TBC1D2B: variants seen among roughly 807,000 people sequenced by gnomAD.
The protein encoded by TBC1D2B is TBC1 domain family member 2B, also known as TBC1 domain family, member 2B.
A neutral mutation model predicts 100.8 loss-of-function variants in TBC1D2B; 64 were observed. The observed-to-expected ratio is 0.64, with a 90% CI of 0.52 to 0.78. The LOEUF (loss-of-function observed/expected upper bound fraction) is 0.78. TBC1D2B is among the 30% of genes least tolerant of loss of function. The pLI, the probability that TBC1D2B is intolerant of heterozygous loss-of-function variation, is 0.00. For missense variants in TBC1D2B, 1,052 were observed against 1,218.4 expected (o/e 0.86, Z 2.03); for synonymous variants, 480 against 479.7 (o/e 1.00, Z -0.01).
chr15:78,006,384 C>T (rs1338107176), intron 10 of TBC1D2B, among the ~76,000 whole-genome samples: 4 of 152,178 alleles, frequency 2.6e-5, no homozygotes, highest in Non-Finnish European at 5.9e-5. Flanking sequence ...CACACCAACG[C>T]AACAGAACAA....
At chr15:78,035,313 G>A (rs952632755) in intron 3 of TBC1D2B, among the ~76,000 whole-genome samples, 2 of 152,202 alleles carry the variant, frequency 1.3e-5, no homozygotes, top group African/African-American at 2.4e-5. Flanking sequence ...TAACTCGTTC[G>A]ACATTCGTTT....
chr15:78,048,189 G>C lies in TBC1D2B; in HGVS notation c.515-3121C>G, dbSNP rs889712446. ...GTGGAGAAAAGGGACCAGAGACCAG[G>C]GAGGAACACGTTGGAGGAAAATTTC... is the stretch of plus-strand genomic sequence containing the variant. On this transcript the variant is annotated intron_variant, in intron 2 of 12. Coordinates refer to ENST00000300584, the MANE Select transcript of TBC1D2B (RefSeq NM_144572.2). 3.9e-5 allele frequency among the ~76,000 whole-genome samples: 6 copies of C among 152,184 alleles called. No individual in the cohort carries two copies. The East Asian group carries it at 9.6e-4, about 24-fold the overall frequency.
chr15:78,018,662 G>C (rs1419946426), intron 6 of TBC1D2B, among the ~76,000 whole-genome samples: 1 of 152,226 alleles, frequency 6.6e-6, no homozygotes, highest in Non-Finnish European at 1.5e-5. Context: ...TTTGAGAGCA[G>C]GTCGGGGCAG....
Position 78,033,465 on chromosome 15 carries a change from C to T in TBC1D2B, c.684-3295G>A, listed in dbSNP as rs529941802. Reference sequence around the variant, plus strand: ...TTTTTAAAACTCAAAGCTATAGTGACGGAAAGCGGATCAGAGGTTGCCCAG... The same window carrying T: ...TTTTTAAAACTCAAAGCTATAGTGATGGAAAGCGGATCAGAGGTTGCCCAG... On this transcript the variant is annotated intron_variant, in intron 3 of 12. Coordinates refer to ENST00000300584, the MANE Select transcript of TBC1D2B (RefSeq NM_144572.2). 6.6e-5 allele frequency among the ~76,000 whole-genome samples: 10 copies of T among 152,186 alleles called. No homozygotes were observed. The South Asian group carries it at 8.3e-4, about 13-fold the overall frequency.
chr15:78,040,037 C>T (rs1346156157), intron 3 of TBC1D2B, among the ~76,000 whole-genome samples: 2 of 152,216 alleles, frequency 1.3e-5, no homozygotes, highest in Admixed American at 6.5e-5. Flanking sequence ...CTGCTGTCAG[C>T]GCTGCTGCAG....
chr15:78,041,023 C>T (rs1423032801), intron 3 of TBC1D2B, among the ~76,000 whole-genome samples: 1 of 152,064 alleles, frequency 6.6e-6, no homozygotes, highest in Non-Finnish European at 1.5e-5. Context: ...CTAACTTTCC[C>T]AATTTTGTTT....
intron 1 of TBC1D2B, among the ~76,000 whole-genome samples, chr15:78,071,682 C>T (rs1234889320): frequency 6.6e-6 from 1 of 152,192 alleles, no homozygotes; most frequent in East Asian, 1.9e-4. Flanking sequence ...ATGTAATACA[C>T]CTGTATATTT....
intron 1 of TBC1D2B, among the ~76,000 whole-genome samples, chr15:78,058,506 C>T (rs2073473953): frequency 6.6e-6 from 1 of 152,218 alleles, no homozygotes; most frequent in Non-Finnish European, 1.5e-5. Context: ...TGCCTTTATT[C>T]AGTGCTCCAA....
chr15:78,031,730 T>C (rs2072821038), intron 3 of TBC1D2B, among the ~76,000 whole-genome samples: 1 of 152,056 alleles, frequency 6.6e-6, no homozygotes, highest in South Asian at 2.1e-4. Context: ...TAGGTTAAGA[T>C]TTCTGCTTCC....
At chr15:78,013,457 G>GAT (rs1168925200) in intron 8 of TBC1D2B, 140 bp from the exon 9 acceptor site, 3 of 836,004 alleles carry the variant, frequency 3.6e-6, no homozygotes, top group Non-Finnish European at 3.6e-6. Flanking sequence ...AATCAGTGAG[G>GAT]ATATAATCGA....
intron 3 of TBC1D2B, among the ~76,000 whole-genome samples, chr15:78,039,756 AC>A (rs2141751792): frequency 1.3e-5 from 1 of 77,218 alleles, no homozygotes; most frequent in East Asian, 4.7e-4. Flanking sequence ...CTTACTACAC[AC>A]ACACACACAC....
chr15:77,995,625 A>G lies in TBC1D2B; in HGVS notation c.*2535T>C, dbSNP rs2071730829. The G allele has an allele frequency of 6.6e-6, 1 of 152,522 alleles. No homozygotes were observed. Among genetic ancestry groups the G allele is most frequent in the African/African-American group, 2.4e-5 (1 of 41,468 alleles). 9.4% of individuals were successfully genotyped at this position (152,522 alleles called of 1,614,324 possible). On this transcript the variant is annotated 3_prime_UTR_variant, in exon 13 of 13. Transcript: ENST00000300584. The stretch of plus-strand genomic sequence containing the variant: ...GCCTATAAAAATATAAACTGTAGTG[A>G]GAGTGTACAAAAGTATTAACAGAGG...
intron 1 of TBC1D2B, among the ~76,000 whole-genome samples, chr15:78,070,804 T>G (rs1257933268): frequency 6.6e-6 from 1 of 152,162 alleles, no homozygotes; most frequent in Non-Finnish European, 1.5e-5. Context: ...ACTAAAGACA[T>G]GTGCCATCAT....
chr15:78,022,167 C>T (rs1484648204), intron 6 of TBC1D2B, among the ~76,000 whole-genome samples: 1 of 152,150 alleles, frequency 6.6e-6, no homozygotes, highest in Non-Finnish European at 1.5e-5. Flanking sequence ...AAGACTAGCC[C>T]AGGCAACACG....
In TBC1D2B at chr15:77,998,221, C is replaced by T. The variant is rs144284088; in HGVS notation, c.2831G>A (p.Arg944His). 3.7e-5 allele frequency: 58 copies of T among 1,570,236 alleles called. No individual in the cohort carries two copies. The Middle Eastern group carries it at 6.7e-4, about 18-fold the overall frequency. The change falls in exon 13 of 13, where the codon CGT becomes CAT. Residue 944 changes from arginine (R) to histidine (H), a missense_variant. Physicochemically the swap from Arg to His is conservative, Grantham distance 29. Coordinates refer to ENST00000300584, the MANE Select transcript of TBC1D2B (RefSeq NM_144572.2). ...ELEAIREDFL[R>H]ERDTSPDKGE... ...CTTGTCAGGGCTGGTGTCCCGCTCA[C>T]GCAGGAAGTCCTCACGGATGGCCTC...
At chr15:78,025,871 A>G (rs1253144825) in intron 4 of TBC1D2B, among the ~76,000 whole-genome samples, 2 of 151,970 alleles carry the variant, frequency 1.3e-5, no homozygotes, top group Admixed American at 6.6e-5. Flanking sequence ...TTTGGAAACT[A>G]TAACAAAATA....
intron 1 of TBC1D2B, among the ~76,000 whole-genome samples, chr15:78,067,470 TG>T (rs1237822367): frequency 6.6e-6 from 1 of 152,216 alleles, no homozygotes; most frequent in African/African-American, 2.4e-5. Context: ...CAGCCTCTCC[TG>T]AACACCAGAG....
intron 12 of TBC1D2B, among the ~76,000 whole-genome samples, chr15:78,001,015 G>A (rs1286844412): frequency 6.6e-6 from 1 of 152,188 alleles, no homozygotes; most frequent in Non-Finnish European, 1.5e-5. Context: ...CTCAAGTCCT[G>A]AGAGAAGTCT....
chr15:78,076,156 C>T (rs2073825410), intron 1 of TBC1D2B, among the ~76,000 whole-genome samples: 1 of 152,110 alleles, frequency 6.6e-6, no homozygotes, highest in Non-Finnish European at 1.5e-5. Context: ...ACAGTCTAGT[C>T]CCCCAGAACT....
Sources: gnomAD v4.1 joint callset for allele counts (sites outside exome capture counted in the v4.1 genomes callset) on GRCh38, gnomAD v4.1.1 for gene constraint, MANE v1.5 for transcripts, NCBI Gene and HGNC (gene_info 2026-07-23, HGNC 2026-07-21) for gene names.